The following SLC25A48 variants were observed in gnomAD, a reference collection of about 807,000 sequenced individuals.
SLC25A48 encodes solute carrier family 25 member 48, also known as CTC-321K16.1.
Under a neutral mutation model 32.2 loss-of-function variants are expected in SLC25A48, and 29 were observed. The observed-to-expected ratio is 0.90, with a 90% CI of 0.67 to 1.23. The LOEUF is 1.23. Among genes scored for constraint, SLC25A48 ranks in the 50% most tolerant of loss-of-function variants. The pLI, the probability that SLC25A48 is intolerant of heterozygous loss-of-function variation, is 0.00. For missense variants in SLC25A48, 399 were observed against 422.7 expected (o/e 0.94, Z 0.49); for synonymous variants, 164 against 172.3 (o/e 0.95, Z 0.38).
intron 3 of SLC25A48, among the ~76,000 whole-genome samples, chr5:135,787,948 C>A (rs572106396): frequency 1.1e-4 from 17 of 151,866 alleles, no homozygotes; most frequent in Non-Finnish European, 2.1e-4. Context: ...CGGTGGTATA[C>A]CCTGTGATAT....
chr5:135,745,152 G>C (rs1424401111), intron 3 of SLC25A48, among the ~76,000 whole-genome samples: 1 of 152,168 alleles, frequency 6.6e-6, no homozygotes, highest in Non-Finnish European at 1.5e-5. Context: ...TGAGAGCCCC[G>C]AACAGAGTTT....
intron 3 of SLC25A48, among the ~76,000 whole-genome samples, chr5:135,710,106 C>T (rs1754618780): frequency 6.6e-6 from 1 of 152,170 alleles, no homozygotes; most frequent in Admixed American, 6.5e-5. Context: ...ACAGGAAGTC[C>T]CCTTTCACTG....
chr5:135,654,979 C>T (rs748728010), intron 3 of SLC25A48, among the ~76,000 whole-genome samples: 3 of 152,148 alleles, frequency 2.0e-5, no homozygotes, highest in Admixed American at 6.5e-5. Flanking sequence ...ATCCATCTGT[C>T]GGAGTCAGTG....
chr5:135,796,309 C>A (rs1757174309), intron 3 of SLC25A48, among the ~76,000 whole-genome samples: 1 of 151,622 alleles, frequency 6.6e-6, no homozygotes, highest in East Asian at 1.9e-4. Context: ...ATCTAACTCC[C>A]CATATTGTGG....
At chr5:135,612,572 A>G (rs930244232) in intron 1 of SLC25A48, among the ~76,000 whole-genome samples, 2 of 152,226 alleles carry the variant, frequency 1.3e-5, no homozygotes, top group African/African-American at 4.8e-5. Flanking sequence ...TCTGGTATCT[A>G]TCATTCTACT....
chr5:135,682,894 C>T (rs1322178357), intron 3 of SLC25A48, among the ~76,000 whole-genome samples: 1 of 152,188 alleles, frequency 6.6e-6, no homozygotes, highest in African/African-American at 2.4e-5. Context: ...GGAGGCACAA[C>T]ATATCTTTAT....
intron 3 of SLC25A48, among the ~76,000 whole-genome samples, chr5:135,641,240 G>A (rs1752830153): frequency 6.6e-6 from 1 of 152,218 alleles, no homozygotes; most frequent in South Asian, 2.1e-4. Context: ...GTTTGAGGAA[G>A]AGGCCTGTCA....
intron 1 of SLC25A48, among the ~76,000 whole-genome samples, chr5:135,606,686 G>A (rs2126887638): frequency 6.6e-6 from 1 of 152,292 alleles, no homozygotes; most frequent in Admixed American, 6.5e-5. Flanking sequence ...CTGGCACACA[G>A]GCTGTGCTTT....
At chr5:135,652,724 TATAA>T (rs1255065969) in intron 3 of SLC25A48, among the ~76,000 whole-genome samples, 3 of 152,202 alleles carry the variant, frequency 2.0e-5, no homozygotes, top group Non-Finnish European at 4.4e-5. Flanking sequence ...AATCAAGGGA[TATAA>T]ATAGAGTTAC....
intron 4 of SLC25A48, among the ~76,000 whole-genome samples, chr5:135,813,523 C>A (rs1198898664): frequency 6.6e-6 from 1 of 152,100 alleles, no homozygotes; most frequent in Non-Finnish European, 1.5e-5. Context: ...GGAAGGAGAG[C>A]TATAAGACCC....
intron 3 of SLC25A48, among the ~76,000 whole-genome samples, chr5:135,755,941 G>T (rs1580845234): frequency 6.6e-6 from 1 of 151,940 alleles, no homozygotes; most frequent in South Asian, 2.1e-4. Flanking sequence ...CATATGTAGT[G>T]TCAACGCACT....
chr5:135,848,896 T>C (rs1759616012), intron 2 of SLC25A48, among the ~76,000 whole-genome samples: 1 of 152,248 alleles, frequency 6.6e-6, no homozygotes, highest in African/African-American at 2.4e-5. Flanking sequence ...GGCCACGTTA[T>C]TAGCCATGGT....
chr5:135,674,743 T>C (rs1282825187), intron 3 of SLC25A48, among the ~76,000 whole-genome samples: 1 of 152,084 alleles, frequency 6.6e-6, no homozygotes, highest in Non-Finnish European at 1.5e-5. Flanking sequence ...CATTTGTCTG[T>C]GGATGGACAT....
At chr5:135,586,230 C>T (rs1006322454) in intron 1 of SLC25A48, among the ~76,000 whole-genome samples, 6 of 152,144 alleles carry the variant, frequency 3.9e-5, no homozygotes, top group African/African-American at 1.4e-4. Context: ...CGCTCCCTAC[C>T]TTTTGCCCAG....
intron 2 of SLC25A48, among the ~76,000 whole-genome samples, chr5:135,846,204 C>A (rs758905091): frequency 2.6e-5 from 4 of 152,162 alleles, no homozygotes; most frequent in Non-Finnish European, 5.9e-5. Flanking sequence ...ATGGTTTCAC[C>A]TCAAAACCAT....
chr5:135,584,140 C>T (rs1416154856), intron 1 of SLC25A48, among the ~76,000 whole-genome samples: 1 of 152,220 alleles, frequency 6.6e-6, no homozygotes. Flanking sequence ...AGATGGGTCA[C>T]AGGGGGCACT....
intron 3 of SLC25A48, among the ~76,000 whole-genome samples, chr5:135,652,097 C>A (rs1753129545): frequency 6.6e-6 from 1 of 152,186 alleles, no homozygotes; most frequent in Non-Finnish European, 1.5e-5. Flanking sequence ...ACAAAGAAGC[C>A]AAGTTGGCAG....
intron 3 of SLC25A48, among the ~76,000 whole-genome samples, chr5:135,709,083 A>G: frequency 6.6e-6 from 1 of 152,226 alleles, no homozygotes; most frequent in Non-Finnish European, 1.5e-5. Context: ...TTTGGTTCAC[A>G]TACTAAAATT....
intron 3 of SLC25A48, among the ~76,000 whole-genome samples, chr5:135,793,645 G>A (rs1452636331): frequency 1.3e-5 from 2 of 151,462 alleles, no homozygotes; most frequent in African/African-American, 2.4e-5. Flanking sequence ...CTCTCCTAAT[G>A]TCACAGTGCA....
Sources: allele counts gnomAD v4.1 joint callset (sites outside exome capture counted in the v4.1 genomes callset), GRCh38; gene constraint gnomAD v4.1.1; transcripts MANE v1.5; gene names NCBI Gene and HGNC (gene_info 2026-07-23, HGNC 2026-07-21).